AFG2A: variants seen among roughly 807,000 people sequenced by gnomAD.
AFG2A encodes the protein ATPase family gene 2 protein homolog A.
At chr4:123,047,846 G>T in the AFG2A span, among the ~76,000 whole-genome samples, 2 of 152,032 alleles carry the variant, frequency 1.3e-5, no homozygotes, top group Non-Finnish European at 2.9e-5. Context: ...AGGAATACAG[G>T]TGTGAACCAC....
At chr4:122,934,071 T>A in the AFG2A span, 1 of 1,537,160 alleles carries the variant, frequency 6.5e-7, no homozygotes, top group Non-Finnish European at 8.7e-7. Flanking sequence ...TATGCTAACA[T>A]GTATATTTAA....
the AFG2A span, among the ~76,000 whole-genome samples, chr4:123,152,454 G>A: frequency 1.3e-5 from 2 of 152,150 alleles, no homozygotes; most frequent in Non-Finnish European, 2.9e-5. Context: ...ATGGGTGAAA[G>A]ACCTTAACAG....
the AFG2A span, among the ~76,000 whole-genome samples, chr4:123,131,765 T>G: frequency 2.0e-5 from 3 of 152,214 alleles, no homozygotes; most frequent in Non-Finnish European, 4.4e-5. Flanking sequence ...TTGGCTATTA[T>G]GAATAGTGGT....
the AFG2A span, among the ~76,000 whole-genome samples, chr4:123,082,713 GGGGTTTTGGTT>G: frequency 6.6e-6 from 1 of 151,944 alleles, no homozygotes; most frequent in Non-Finnish European, 1.5e-5. Flanking sequence ...ATAACTTGTT[GGGGTTTTGGTT>G]GGGATTGCAT....
chr4:123,098,202 T>C, the AFG2A span, among the ~76,000 whole-genome samples: 39 of 152,188 alleles, frequency 2.6e-4, no homozygotes, highest in Middle Eastern at 3.4e-3. Context: ...TGTTCATATA[T>C]GAACCTCACG....
At chr4:122,988,780 C>T in the AFG2A span, among the ~76,000 whole-genome samples, 4 of 152,194 alleles carry the variant, frequency 2.6e-5, no homozygotes, top group Admixed American at 2.0e-4. Flanking sequence ...CTTAATGTTG[C>T]GTTCTAAGTC....
the AFG2A span, among the ~76,000 whole-genome samples, chr4:122,974,550 G>A: frequency 1.3e-5 from 2 of 152,192 alleles, no homozygotes; most frequent in Non-Finnish European, 2.9e-5. Context: ...AAATATGTGT[G>A]TGGCTGACTT....
chr4:123,259,017 C>T, the AFG2A span, among the ~76,000 whole-genome samples: 1 of 152,002 alleles, frequency 6.6e-6, no homozygotes, highest in Admixed American at 6.5e-5. Context: ...CAGGCACCCA[C>T]CACCACGCCC....
the AFG2A span, among the ~76,000 whole-genome samples, chr4:123,054,763 C>G: frequency 3.3e-5 from 5 of 152,056 alleles, no homozygotes; most frequent in African/African-American, 4.8e-5. Flanking sequence ...TTATTCTACA[C>G]CCCACTCTCA....
At chr4:123,054,914 A>T in the AFG2A span, among the ~76,000 whole-genome samples, 1 of 151,950 alleles carries the variant, frequency 6.6e-6, no homozygotes, top group East Asian at 1.9e-4. Context: ...GCATTTTATA[A>T]CTGTTCTCTC....
the AFG2A span, among the ~76,000 whole-genome samples, chr4:123,212,973 C>T: frequency 2.6e-5 from 4 of 152,166 alleles, no homozygotes; most frequent in Admixed American, 2.6e-4. Context: ...TAGCCATTAA[C>T]AGCATAATCA....
At chr4:123,174,476 C>G in the AFG2A span, among the ~76,000 whole-genome samples, 1 of 152,014 alleles carries the variant, frequency 6.6e-6, no homozygotes, top group African/African-American at 2.4e-5. Flanking sequence ...GAAAAAGTTT[C>G]TTAGATAGCT....
chr4:123,210,609 A>G, the AFG2A span, among the ~76,000 whole-genome samples: 1 of 152,154 alleles, frequency 6.6e-6, no homozygotes, highest in African/African-American at 2.4e-5. Context: ...GGTTGATTTC[A>G]TATCTTGGCT....
chr4:123,001,799 T>C, the AFG2A span, among the ~76,000 whole-genome samples: 1 of 151,822 alleles, frequency 6.6e-6, no homozygotes, highest in Non-Finnish European at 1.5e-5. Context: ...GGGTGGAGAG[T>C]TCTGTAGATG....
the AFG2A span, among the ~76,000 whole-genome samples, chr4:122,975,724 G>C: frequency 6.6e-6 from 1 of 152,036 alleles, no homozygotes; most frequent in East Asian, 1.9e-4. Context: ...TTGCTTTGGA[G>C]AGAGACACTT....
At chr4:123,240,822 CA>C in the AFG2A span, among the ~76,000 whole-genome samples, 19 of 151,976 alleles carry the variant, frequency 1.3e-4, no homozygotes, top group Non-Finnish European at 2.5e-4. Context: ...AAAAACCCTT[CA>C]AAAAATCAAT....
chr4:123,157,364 T>C, the AFG2A span, among the ~76,000 whole-genome samples: 1 of 152,202 alleles, frequency 6.6e-6, no homozygotes, highest in Non-Finnish European at 1.5e-5. Context: ...ACATTTATTG[T>C]TGCATACCAT....
At chr4:123,290,261 T>C in the AFG2A span, among the ~76,000 whole-genome samples, 1 of 152,348 alleles carries the variant, frequency 6.6e-6, no homozygotes, top group South Asian at 2.1e-4. Flanking sequence ...GTTTTAGTCA[T>C]GAATTCTTTG....
the AFG2A span, among the ~76,000 whole-genome samples, chr4:123,080,447 T>C: frequency 6.6e-6 from 1 of 152,246 alleles, no homozygotes. Context: ...ACTGAATTTA[T>C]GTTATTTTGC....
Sources: allele counts gnomAD v4.1 joint callset (sites outside exome capture counted in the v4.1 genomes callset), GRCh38; gene constraint gnomAD v4.1.1; transcripts MANE v1.5; gene names NCBI Gene and HGNC (gene_info 2026-07-23, HGNC 2026-07-21).